Variants in KCNQ1 observed in about 807,000 individuals in gnomAD.
KCNQ1 encodes the protein potassium voltage-gated channel subfamily Q member 1, also known as potassium voltage-gated channel subfamily KQT member 1.
KCNQ1 carries 49 observed loss-of-function variants against 72.4 expected under a neutral mutation model. The ratio of observed to expected loss-of-function variants is 0.68; its 90% confidence interval spans 0.54 to 0.86. The LOEUF is 0.86. Ranked by LOEUF, KCNQ1 falls within the 40% of genes least tolerant of loss-of-function variation. KCNQ1 has a pLI of 0.00. For missense variants in KCNQ1, 790 were observed against 945.1 expected, an observed-to-expected ratio of 0.84 and a Z score of 2.15; for synonymous variants, 450 against 412.6, an observed-to-expected ratio of 1.09 and a Z score of -1.10.
At position 2,687,611 on chromosome 11, in the gene KCNQ1, C is replaced by A; in HGVS notation, c.1514+25530C>A. On this transcript the variant is annotated intron_variant, in intron 11 of 15. Transcript: ENST00000155840. The surrounding 1 kb of genome is among the most constrained non-coding windows in gnomAD (Gnocchi z 5.0). ...GACTGAGAAAGGAAGGGGCAGAGATCCCTTCTCCATTCCTCTCAGGCCCCT... is the reference window on the plus strand; with the variant it reads ...GACTGAGAAAGGAAGGGGCAGAGATACCTTCTCCATTCCTCTCAGGCCCCT... The A allele has an allele frequency of 2.5e-6, 1 of 398,798 alleles. No individual in the cohort carries two copies. Among genetic ancestry groups the A allele is most frequent in the Non-Finnish European group, 4.4e-6 (1 of 226,200 alleles). The allele number at this position is 398,798 out of a possible 1,614,324, so 24.7% of individuals were successfully genotyped here.
intron 2 of KCNQ1, among the ~76,000 whole-genome samples, chr11:2,560,822 T>G (rs994305108): frequency 2.6e-5 from 4 of 151,786 alleles, no homozygotes; most frequent in African/African-American, 9.7e-5. Context: ...CTGGGTGGGA[T>G]GAGGACAGAC....
intron 2 of KCNQ1, among the ~76,000 whole-genome samples, chr11:2,530,016 G>A (rs559407110): frequency 4.6e-5 from 7 of 152,198 alleles, no homozygotes; most frequent in African/African-American, 7.2e-5. Context: ...TGGTCCTGGC[G>A]TGTGAGTTTC....
Position 2,674,081 on chromosome 11 carries a change from A to G in KCNQ1, c.1514+12000A>G. 1 of 398,554 alleles carries G rather than the reference A, an allele frequency of 2.5e-6. No individual in the cohort carries two copies. The highest frequency in any genetic ancestry group is 4.4e-6 in the Non-Finnish European group (1 of 226,110). 24.7% of individuals were successfully genotyped at this position (398,554 alleles called of 1,614,324 possible). On this transcript the variant is annotated intron_variant, in intron 11 of 15. Transcript: ENST00000155840. This position sits in a 1 kb window ranked among gnomAD's most constrained non-coding sequence, Gnocchi z 5.9. ...TGGCTGCCCCATGGGGGCTTGGGCT[A>G]GGTCTCCCTGCCGGTGGGGAGGGAG...
chr11:2,614,007 G>A, intron 10 of KCNQ1: 1 of 398,514 alleles, frequency 2.5e-6, no homozygotes, highest in Non-Finnish European at 4.4e-6. Context: ...TCATTGCATT[G>A]CTAAAGTTGC....
At chr11:2,487,434 G>A (rs1846758777) in intron 1 of KCNQ1, among the ~76,000 whole-genome samples, 1 of 152,150 alleles carries the variant, frequency 6.6e-6, no homozygotes, top group Non-Finnish European at 1.5e-5. Context: ...TTTTGAGAGG[G>A]ATTGCACTGA....
At chr11:2,519,440 A>C (rs954447842) in intron 1 of KCNQ1, among the ~76,000 whole-genome samples, 1 of 152,206 alleles carries the variant, frequency 6.6e-6, no homozygotes, top group African/African-American at 2.4e-5. Context: ...CTTTGAGTAC[A>C]TTTTTAATTA....
At chr11:2,628,881 C>G (rs577966646) in intron 10 of KCNQ1, 2 of 398,280 alleles carry the variant, frequency 5.0e-6, no homozygotes, top group East Asian at 7.1e-5. Context: ...TACCCTTTCC[C>G]CATTGTGTAC....
chr11:2,754,913 G>A (rs958527643), intron 11 of KCNQ1, among the ~76,000 whole-genome samples: 1 of 152,190 alleles, frequency 6.6e-6, no homozygotes, highest in Non-Finnish European at 1.5e-5. Context: ...GTGACAAGTT[G>A]CAGACTGGCG....
intron 11 of KCNQ1, chr11:2,667,218 T>A: frequency 2.5e-6 from 1 of 398,638 alleles, no homozygotes; most frequent in Non-Finnish European, 4.4e-6. Flanking sequence ...CCCCTAACCT[T>A]TCCAAACTTC....
At chr11:2,814,012 A>G (rs1396469155) in intron 15 of KCNQ1, among the ~76,000 whole-genome samples, 1 of 149,548 alleles carries the variant, frequency 6.7e-6, no homozygotes, top group African/African-American at 2.5e-5. Flanking sequence ...GGATGGATGG[A>G]TGGATGATGG....
chr11:2,466,034 G>GGGCT (rs762405876), intron 1 of KCNQ1, among the ~76,000 whole-genome samples: 19 of 152,202 alleles, frequency 1.2e-4, no homozygotes, highest in Non-Finnish European at 2.8e-4. Flanking sequence ...GAGTGTTCTC[G>GGGCT]GGCTGGCTAT....
At chr11:2,469,304 C>T (rs1021930598) in intron 1 of KCNQ1, among the ~76,000 whole-genome samples, 1 of 151,680 alleles carries the variant, frequency 6.6e-6, no homozygotes, top group African/African-American at 2.4e-5. Context: ...ATCTCACTCT[C>T]CGTCTCCCAG....
chr11:2,559,603 C>T lies in KCNQ1; in HGVS notation c.478-11025C>T, dbSNP rs1848129057. 6.6e-6 allele frequency among the ~76,000 whole-genome samples: 1 copy of T among 152,202 alleles called. No homozygotes were observed. ...TGGGAACGGCCATCCCCATGACGAC[C>T]CAGCAAGTCCCTTGCCTCTCTCGCT... On this transcript the variant is annotated intron_variant, in intron 2 of 15. Transcript: ENST00000155840. This position sits in a 1 kb window ranked among gnomAD's most constrained non-coding sequence, Gnocchi z 4.9.
Position 2,847,994 on chromosome 11 carries a change from G to A in KCNQ1, c.2022G>A (p.Glu674=), listed in dbSNP as rs767756904. ...QLTVPRRGPD[E]GS ...CCGTGCCCAGGAGGGGCCCCGATGA[G>A]GGGTCCTGAGGAGGGGATGGGGCTG... is the stretch of plus-strand genomic sequence containing the variant. Residue 674 remains glutamate (E), a synonymous_variant, in exon 16 of 16, where the codon GAG becomes GAA. Transcript: ENST00000155840. The A allele has an allele frequency of 1.3e-6, 2 of 1,540,110 alleles. No individual in the cohort carries two copies. The highest frequency in any genetic ancestry group is 2.4e-5 in the East Asian group (1 of 41,560).
chr11:2,555,350 C>A (rs537303429), intron 2 of KCNQ1, among the ~76,000 whole-genome samples: 1 of 152,182 alleles, frequency 6.6e-6, no homozygotes, highest in East Asian at 1.9e-4. Context: ...AGGGGTGCAC[C>A]GTCTTTGGGG....
At chr11:2,662,237 C>A in intron 11 of KCNQ1, 156 bp downstream of exon 11, 1 of 938,520 alleles carries the variant, frequency 1.1e-6, no homozygotes. Flanking sequence ...CACGGAGGCA[C>A]CAGGCAAGAG....
intron 11 of KCNQ1, chr11:2,693,904 G>C: frequency 2.5e-6 from 1 of 398,816 alleles, no homozygotes. Context: ...TCCTCCTGGA[G>C]TGTACTGCAA....
At chr11:2,792,876 C>A (rs567854450) in intron 15 of KCNQ1, among the ~76,000 whole-genome samples, 1 of 151,888 alleles carries the variant, frequency 6.6e-6, no homozygotes, top group African/African-American at 2.4e-5. Context: ...AGCACGCAGC[C>A]CCCTGCCCCT....
In KCNQ1 at chr11:2,595,335, A is replaced by T. The variant is rs1302631806; in HGVS notation, c.1393+6481A>T. 6.6e-6 allele frequency among the ~76,000 whole-genome samples: 1 copy of T among 152,226 alleles called. No homozygotes were observed. Among genetic ancestry groups the T allele is most frequent in the Non-Finnish European group, 1.5e-5 (1 of 68,034 alleles). ...ATCAATTCCATTCATATATTCTTGCAGCAAATAACCAGAAATTGAGATTTT... is the reference window on the plus strand; with the variant it reads ...ATCAATTCCATTCATATATTCTTGCTGCAAATAACCAGAAATTGAGATTTT... On this transcript the variant is annotated intron_variant, in intron 10 of 15. Coordinates refer to ENST00000155840, the MANE Select transcript of KCNQ1 (RefSeq NM_000218.3). The surrounding 1 kb of genome is among the most constrained non-coding windows in gnomAD (Gnocchi z 5.0).
Sources: gnomAD v4.1 joint callset for allele counts (sites outside exome capture counted in the v4.1 genomes callset) on GRCh38, gnomAD v4.1.1 for gene constraint, Gnocchi (gnomAD v3.1) non-coding constraint, MANE v1.5 for transcripts, NCBI Gene and HGNC (gene_info 2026-07-23, HGNC 2026-07-21) for gene names.